Variants in PCDHGB7 observed in about 807,000 individuals in gnomAD.
The protein encoded by PCDHGB7 is protocadherin gamma-B7.
Under a neutral mutation model 61.4 loss-of-function variants are expected in PCDHGB7, and 37 were observed. That is an observed-to-expected ratio of 0.60 (90% CI 0.46 to 0.79). The LOEUF (loss-of-function observed/expected upper bound fraction) is 0.79, where lower values mean the gene tolerates loss of function less well. Ranked by LOEUF, PCDHGB7 falls within the 30% of genes least tolerant of loss-of-function variation. The pLI is 0.00. For missense variants in PCDHGB7, 1,166 were observed against 1,202.5 expected (o/e 0.97, Z 0.45); for synonymous variants, 464 against 503.5 (o/e 0.92, Z 1.05).
In PCDHGB7 at chr5:141,418,478, G is replaced by C. The variant is rs777772131; in HGVS notation, c.619G>C (p.Ala207Pro). The C allele has an allele frequency of 6.2e-7, 1 of 1,613,976 alleles. No individual in the cohort carries two copies. The highest frequency in any genetic ancestry group is 8.5e-7 in the Non-Finnish European group (1 of 1,179,900). The change falls in exon 1 of 4, where the codon GCT (alanine) becomes CCT (proline). Residue 207 changes from alanine to proline, a missense_variant. By Grantham distance (27) the Ala-to-Pro change is conservative. Coordinates refer to ENST00000398594, the MANE Select transcript of PCDHGB7 (RefSeq NM_018927.4). Reference protein sequence around the residue: ...QKTLDRETQSAHHLVLTALDG... With the variant: ...QKTLDRETQSPHHLVLTALDG... ...GACTCTGGACCGAGAAACGCAGAGC[G>C]CTCACCACTTGGTACTGACCGCCTT...
In PCDHGB7 at chr5:141,486,702, T is replaced by C; in HGVS notation, c.2416-8105T>C. On this transcript the variant is annotated intron_variant, in intron 1 of 3. Coordinates refer to ENST00000398594, the MANE Select transcript of PCDHGB7 (RefSeq NM_018927.4). The surrounding 1 kb of genome is among the most constrained non-coding windows in gnomAD (Gnocchi z 5.0). ...GTATCAGCTTCCTCTTTCATCTCTC[T>C]GAACCCCCAGACAGGAGCTGTTCAT... is the stretch of plus-strand genomic sequence containing the variant. 3 of 1,614,218 alleles carry C rather than the reference T, an allele frequency of 1.9e-6. No homozygotes were observed. Among genetic ancestry groups the C allele is most frequent in the Non-Finnish European group, 2.5e-6 (3 of 1,180,040 alleles).
chr5:141,490,419 G>C lies in PCDHGB7; in HGVS notation c.2416-4388G>C. The C allele has an allele frequency of 6.2e-7, 1 of 1,614,170 alleles. No homozygotes were observed. Among genetic ancestry groups the C allele is most frequent in the Non-Finnish European group, 8.5e-7 (1 of 1,180,020 alleles). ...TGAGCCTTGATATCTCTCCGGACCT[G>C]CCATTTCAGATTAAGCCTTCTGAGA... On this transcript the variant is annotated intron_variant, in intron 1 of 3. Transcript: ENST00000398594. The surrounding 1 kb of genome is among the most constrained non-coding windows in gnomAD (Gnocchi z 5.4).
At position 141,505,394 on chromosome 5, in the gene PCDHGB7, T is replaced by C; in HGVS notation, c.2476T>C (p.Ser826Pro). 6.2e-7 allele frequency: 1 copy of C among 1,614,110 alleles called. No homozygotes were observed. The highest frequency in any genetic ancestry group is 8.5e-7 in the Non-Finnish European group (1 of 1,180,002). The part of the protein sequence containing the change: ...SQAQRPGTSG[S>P]QNGDDTGTWP... ...CTCACCATCCTACTCTCTCCCCAGC[T>C]CCCAAAATGGCGATGACACCGGCAC... Residue 826 changes from serine (S) to proline (P), a missense_variant and splice_region_variant, in exon 3 of 4, where the codon TCC becomes CCC. By Grantham distance (74) the Ser-to-Pro change is moderately conservative. Coordinates refer to ENST00000398594, the MANE Select transcript of PCDHGB7 (RefSeq NM_018927.4).
In PCDHGB7 at chr5:141,476,622, T is replaced by C. The variant is rs1480639256; in HGVS notation, c.2416-18185T>C. The C allele has an allele frequency of 6.2e-7, 1 of 1,614,238 alleles. No individual in the cohort carries two copies. The highest frequency in any genetic ancestry group is 2.2e-5 in the East Asian group (1 of 44,878). On this transcript the variant is annotated intron_variant, in intron 1 of 3. Transcript: ENST00000398594. This position sits in a 1 kb window ranked among gnomAD's most constrained non-coding sequence, Gnocchi z 7.6. ...GATCCCGATGTGGGAAGCAACTCTT[T>C]ACAAACCTATGAGCTGAGCCGAAAT...
At position 141,489,870 on chromosome 5, in the gene PCDHGB7, G is replaced by T; in HGVS notation, c.2416-4937G>T. On this transcript the variant is annotated intron_variant, in intron 1 of 3. Transcript: ENST00000398594. The surrounding 1 kb of genome is among the most constrained non-coding windows in gnomAD (Gnocchi z 4.5). ...GTGAAGCCCAGGCAAGACATCAGCT[G>T]GTGCTTACTGCTGTGGATGGGGGGA... 1.2e-6 allele frequency: 2 copies of T among 1,614,220 alleles called. No individual in the cohort carries two copies. The highest frequency in any genetic ancestry group is 1.7e-6 in the Non-Finnish European group (2 of 1,180,024).
At chr5:141,482,530 C>CTAAAAA in intron 1 of PCDHGB7, among the ~76,000 whole-genome samples, 1 of 76,560 alleles carries the variant, frequency 1.3e-5, no homozygotes, top group African/African-American at 4.8e-5. Context: ...GACAGACATG[C>CTAAAAA]AAAAAAAAAA....
Position 141,485,519 on chromosome 5 carries a change from A to T in PCDHGB7, c.2416-9288A>T. ...GTTTGTCACCGAAGGTCCTTTGGAA[A>T]TGTACCGAGCAGAGGTAGAGATCGT... On this transcript the variant is annotated intron_variant, in intron 1 of 3. Transcript: ENST00000398594. The surrounding 1 kb of genome is among the most constrained non-coding windows in gnomAD (Gnocchi z 5.7). The T allele has an allele frequency of 6.2e-7, 1 of 1,614,150 alleles. No individual in the cohort carries two copies. The highest frequency in any genetic ancestry group is 8.5e-7 in the Non-Finnish European group (1 of 1,180,018).
Position 141,477,354 on chromosome 5 carries a change from C to T in PCDHGB7, c.2416-17453C>T, listed in dbSNP as rs1164062950. On this transcript the variant is annotated intron_variant, in intron 1 of 3. Coordinates refer to ENST00000398594, the MANE Select transcript of PCDHGB7 (RefSeq NM_018927.4). This position sits in a 1 kb window ranked among gnomAD's most constrained non-coding sequence, Gnocchi z 4.9. ...AATTACTTCACTTTGAAAACCAGTG[C>T]AGACCTGGATCGGGAGACTGTGCCA... 14 of 1,614,202 alleles carry T rather than the reference C, an allele frequency of 8.7e-6. No homozygotes were observed. The highest frequency in any genetic ancestry group is 1.1e-5 in the Non-Finnish European group (13 of 1,180,036).
intron 1 of PCDHGB7, chr5:141,422,492 C>A (rs747903569): frequency 2.5e-6 from 4 of 1,613,816 alleles, no homozygotes; most frequent in African/African-American, 2.7e-5. Flanking sequence ...TACAATATAA[C>A]GTTGACAGCC....
intron 1 of PCDHGB7, chr5:141,423,316 G>C (rs1424301976): frequency 1.2e-6 from 2 of 1,614,044 alleles, no homozygotes; most frequent in Non-Finnish European, 1.7e-6. Context: ...CTTGGTGGTG[G>C]CGGTGGCCGC....
At chr5:141,479,090 T>G (rs1424205731) in intron 1 of PCDHGB7, among the ~76,000 whole-genome samples, 2 of 152,244 alleles carry the variant, frequency 1.3e-5, no homozygotes, top group Non-Finnish European at 2.9e-5. Flanking sequence ...CCAGGCATCC[T>G]TTAAATTTTA....
In PCDHGB7 at chr5:141,441,656, CT is replaced by C. The variant is rs200391207; in HGVS notation, c.2415+21384del. 8.0e-3 allele frequency: 1,976 copies of C among 247,682 alleles called. 54 individuals carry two copies. The highest frequency in any genetic ancestry group is 0.043 in the African/African-American group (1,846 of 42,486). The allele number at this position is 247,682 out of a possible 1,614,324, so 15.3% of individuals were successfully genotyped here. A position where few individuals can be genotyped will look rare whatever the true frequency, so the allele number is the denominator to read the frequency against. On this transcript the variant is annotated intron_variant, in intron 1 of 3. Coordinates refer to ENST00000398594, the MANE Select transcript of PCDHGB7 (RefSeq NM_018927.4). ...CACAGGCGCTGTGATTCTAGGTGTC[CT>C]TGAGCGCACAGTGCGCCTTCGACCA...
rs2096381830 is a variant in PCDHGB7 at position 141,419,432 on chromosome 5, C to A, written c.1573C>A (p.Leu525Met). Residue 525 changes from leucine to methionine, a missense_variant, in exon 1 of 4, where the codon CTG becomes ATG. Physicochemically the swap from Leu to Met is conservative, Grantham distance 15 (BLOSUM62 2). Transcript: ENST00000398594. The part of the protein sequence containing the change: ...FAQRAFDHEQ[L>M]RTFELTLQAR... ...GCAGCGCGCCTTCGACCACGAGCAG[C>A]TGCGCACCTTCGAGCTCACGCTGCA... The A allele has an allele frequency of 6.2e-7, 1 of 1,613,160 alleles. No homozygotes were observed. Among genetic ancestry groups the A allele is most frequent in the Non-Finnish European group, 8.5e-7 (1 of 1,179,846 alleles).
intron 1 of PCDHGB7, among the ~76,000 whole-genome samples, chr5:141,429,654 T>C (rs1373502548): frequency 6.6e-6 from 1 of 152,232 alleles, no homozygotes; most frequent in Non-Finnish European, 1.5e-5. Context: ...TTCTTCCCAA[T>C]TTAAAATATA....
chr5:141,422,204 G>A lies in PCDHGB7; in HGVS notation c.2415+1930G>A, dbSNP rs185669562. On this transcript the variant is annotated intron_variant, in intron 1 of 3. Transcript: ENST00000398594. Reference sequence around the variant, plus strand: ...ATGGAAATTCAAGGCCAAGATGGTGGAGGTCTCTTTACCACCACGACGATG... The same window carrying A: ...ATGGAAATTCAAGGCCAAGATGGTGAAGGTCTCTTTACCACCACGACGATG... The A allele has an allele frequency of 1.7e-4, 269 of 1,562,138 alleles. No individual in the cohort carries two copies. The African/African-American group carries it at 3.6e-3, about 21-fold the overall frequency.
rs758066525 is a variant in PCDHGB7, at chr5:141,477,331, T to C, written c.2416-17476T>C. The C allele has an allele frequency of 7.4e-6, 12 of 1,614,024 alleles. No individual in the cohort carries two copies. In the East Asian group the frequency reaches 1.1e-4, roughly 15 times the overall value. Reference sequence around the variant, plus strand: ...TCAGCCTTACTTCTTCCCTCAAGAATTACTTCACTTTGAAAACCAGTGCAG... The same window carrying C: ...TCAGCCTTACTTCTTCCCTCAAGAACTACTTCACTTTGAAAACCAGTGCAG... On this transcript the variant is annotated intron_variant, in intron 1 of 3. Coordinates refer to ENST00000398594, the MANE Select transcript of PCDHGB7 (RefSeq NM_018927.4). This position sits in a 1 kb window ranked among gnomAD's most constrained non-coding sequence, Gnocchi z 4.9.
chr5:141,434,092 A>C (rs1333686339), intron 1 of PCDHGB7, among the ~76,000 whole-genome samples: 1 of 152,172 alleles, frequency 6.6e-6, no homozygotes, highest in Non-Finnish European at 1.5e-5. Context: ...TTTGATGCTG[A>C]AATTGTCCCA....
chr5:141,431,901 A>G lies in PCDHGB7; in HGVS notation c.2415+11627A>G, dbSNP rs1373642371. 5.0e-6 allele frequency: 8 copies of G among 1,613,872 alleles called. No homozygotes were observed. The highest frequency in any genetic ancestry group is 1.6e-4 in the Middle Eastern group (1 of 6,062). On this transcript the variant is annotated intron_variant, in intron 1 of 3. Coordinates refer to ENST00000398594, the MANE Select transcript of PCDHGB7 (RefSeq NM_018927.4). This position sits in a 1 kb window ranked among gnomAD's most constrained non-coding sequence, Gnocchi z 4.8. Reference sequence around the variant, plus strand: ...GACCAAGATTCTGAGGAAAACGGACAGGTGATCTGTTTCATCCAAGGAAAT... The same window carrying G: ...GACCAAGATTCTGAGGAAAACGGACGGGTGATCTGTTTCATCCAAGGAAAT...
chr5:141,476,483 G>A lies in PCDHGB7; in HGVS notation c.2416-18324G>A. On this transcript the variant is annotated intron_variant, in intron 1 of 3. Coordinates refer to ENST00000398594, the MANE Select transcript of PCDHGB7 (RefSeq NM_018927.4). The surrounding 1 kb of genome is among the most constrained non-coding windows in gnomAD (Gnocchi z 7.6). The stretch of plus-strand genomic sequence containing the variant: ...CCCGCTGGAGCTGTTCAGCGTGGAA[G>A]TGGTGATCCAGGACATCAACGACAA... The A allele has an allele frequency of 3.1e-6, 5 of 1,614,166 alleles. No individual in the cohort carries two copies. Among genetic ancestry groups the A allele is most frequent in the Non-Finnish European group, 4.2e-6 (5 of 1,180,034 alleles).
Sources: allele counts gnomAD v4.1 joint callset (sites outside exome capture counted in the v4.1 genomes callset), GRCh38; gene constraint gnomAD v4.1.1; non-coding constraint Gnocchi (gnomAD v3.1); transcripts MANE v1.5; gene names NCBI Gene and HGNC (gene_info 2026-07-23, HGNC 2026-07-21).